SGCD: variants seen among roughly 807,000 people sequenced by gnomAD.
The protein encoded by SGCD is delta-sarcoglycan.
In SGCD, 18 loss-of-function variants were observed where a neutral mutation model predicts 36.6. The observed-to-expected ratio is 0.49, with a 90% CI of 0.34 to 0.73. SGCD has a LOEUF of 0.73. Ranked by LOEUF, SGCD falls within the 30% of genes least tolerant of loss-of-function variation. The pLI, the probability that SGCD is intolerant of heterozygous loss-of-function variation, is 0.01. For synonymous variants in SGCD, 133 were observed against 130.6 expected (o/e 1.02, Z -0.12); for missense variants, 387 against 346.7 (o/e 1.12, Z -0.92).
intron 3 of SGCD, among the ~76,000 whole-genome samples, chr5:156,392,810 G>C (rs1771649281): frequency 1.3e-5 from 2 of 152,080 alleles, no homozygotes; most frequent in African/African-American, 4.8e-5. Context: ...CCAAACTTTG[G>C]GTCATTCTGC....
intron 7 of SGCD, among the ~76,000 whole-genome samples, chr5:156,708,704 G>T (rs1308706393): frequency 6.6e-6 from 1 of 152,134 alleles, no homozygotes; most frequent in African/African-American, 2.4e-5. Context: ...CAAAGAGAAA[G>T]TGCACTATTT....
chr5:156,690,114 TATTA>T (rs1269608277), intron 7 of SGCD, among the ~76,000 whole-genome samples: 1 of 152,178 alleles, frequency 6.6e-6, no homozygotes, highest in Admixed American at 6.5e-5. Flanking sequence ...GCTTTACAAA[TATTA>T]ATTCACTTAA....
intron 3 of SGCD, among the ~76,000 whole-genome samples, chr5:156,303,241 C>T (rs139380520): frequency 1.3e-5 from 2 of 152,116 alleles, no homozygotes; most frequent in African/African-American, 2.4e-5. Context: ...AGAGGAGTCC[C>T]TTCCCATGGC....
chr5:156,132,458 C>CTTGTTTTTTT (rs1762348299), intron 3 of SGCD, among the ~76,000 whole-genome samples: 1 of 51,794 alleles, frequency 1.9e-5, no homozygotes, highest in African/African-American at 9.6e-5. Context: ...CTTACCAAGT[C>CTTGTTTTTTT]TTTTTTTTTT....
chr5:156,073,510 C>G (rs1271239209), intron 1 of SGCD, among the ~76,000 whole-genome samples: 1 of 152,212 alleles, frequency 6.6e-6, no homozygotes, highest in African/African-American at 2.4e-5. Flanking sequence ...CTGCAGGGAG[C>G]TGTGGTTATG....
the SGCD span, among the ~76,000 whole-genome samples, chr5:155,812,675 G>A: frequency 6.6e-6 from 1 of 152,100 alleles, no homozygotes; most frequent in Non-Finnish European, 1.5e-5. Context: ...AAGTATCTTC[G>A]ATGGGACATT....
At chr5:156,744,543 T>C (rs1054188946) in intron 7 of SGCD, among the ~76,000 whole-genome samples, 1 of 152,222 alleles carries the variant, frequency 6.6e-6, no homozygotes, top group African/African-American at 2.4e-5. Context: ...ATCCATCTTT[T>C]TTTCCTGATT....
chr5:156,458,828 A>C (rs1043954810), intron 3 of SGCD, among the ~76,000 whole-genome samples: 1 of 152,210 alleles, frequency 6.6e-6, no homozygotes, highest in Non-Finnish European at 1.5e-5. Flanking sequence ...TGTTTAAACA[A>C]GTGACTAGAA....
intron 3 of SGCD, among the ~76,000 whole-genome samples, chr5:156,446,692 A>G (rs1753768689): frequency 6.6e-6 from 1 of 152,114 alleles, no homozygotes; most frequent in Non-Finnish European, 1.5e-5. Context: ...AGTCCAAGAA[A>G]AGGTGGGCTG....
intron 1 of SGCD, among the ~76,000 whole-genome samples, chr5:156,068,935 C>T (rs558749420): frequency 6.6e-6 from 1 of 152,046 alleles, no homozygotes; most frequent in African/African-American, 2.4e-5. Flanking sequence ...TGAGGAGTGT[C>T]TGTTCATGTC....
intron 1 of SGCD, among the ~76,000 whole-genome samples, chr5:155,972,362 A>T (rs1416074229): frequency 6.6e-6 from 1 of 152,102 alleles, no homozygotes; most frequent in Non-Finnish European, 1.5e-5. Context: ...TCATTAATGG[A>T]TATGATAGTG....
intron 3 of SGCD, among the ~76,000 whole-genome samples, chr5:156,354,714 C>G (rs982445996): frequency 6.6e-6 from 1 of 152,178 alleles, no homozygotes; most frequent in African/African-American, 2.4e-5. Flanking sequence ...GAATAACTCT[C>G]AGAAATCTGA....
intron 4 of SGCD, among the ~76,000 whole-genome samples, chr5:156,538,290 A>G (rs1036711698): frequency 1.3e-5 from 2 of 152,174 alleles, no homozygotes; most frequent in Non-Finnish European, 2.9e-5. Context: ...ACTAACCCAG[A>G]ATTTAGAGTT....
chr5:155,881,398 A>G (rs959591853), intron 1 of SGCD, among the ~76,000 whole-genome samples: 4 of 151,646 alleles, frequency 2.6e-5, no homozygotes, highest in Non-Finnish European at 4.4e-5. Flanking sequence ...TTTACACTAT[A>G]CTGTAGTCTA....
intron 6 of SGCD, among the ~76,000 whole-genome samples, chr5:156,609,248 A>T (rs949562442): frequency 2.6e-5 from 4 of 152,134 alleles, no homozygotes; most frequent in South Asian, 2.1e-4. Context: ...TGGTGGTGAC[A>T]AAATCTCTCA....
At chr5:155,854,310 G>T in the SGCD span, among the ~76,000 whole-genome samples, 1 of 152,066 alleles carries the variant, frequency 6.6e-6, no homozygotes, top group Non-Finnish European at 1.5e-5. Flanking sequence ...GTCCCCCAGG[G>T]GAAATTATTA....
At chr5:155,768,992 A>G in the SGCD span, among the ~76,000 whole-genome samples, 1 of 152,188 alleles carries the variant, frequency 6.6e-6, no homozygotes, top group Non-Finnish European at 1.5e-5. Flanking sequence ...GCTTATGATA[A>G]CAACTGAAAA....
chr5:156,099,919 C>G, intron 1 of SGCD, among the ~76,000 whole-genome samples: 1 of 144,538 alleles, frequency 6.9e-6, no homozygotes, highest in African/African-American at 2.7e-5. Flanking sequence ...AAAACATTGT[C>G]AAAATTTTTT....
At chr5:156,292,782 T>C (rs1021961653) in intron 3 of SGCD, among the ~76,000 whole-genome samples, 3 of 152,140 alleles carry the variant, frequency 2.0e-5, no homozygotes, top group Non-Finnish European at 4.4e-5. Flanking sequence ...CTTTTGCTGA[T>C]AGTAGACATC....
Sources: gnomAD v4.1 joint callset for allele counts (sites outside exome capture counted in the v4.1 genomes callset) on GRCh38, gnomAD v4.1.1 for gene constraint, MANE v1.5 for transcripts, NCBI Gene and HGNC (gene_info 2026-07-23, HGNC 2026-07-21) for gene names.